SKAP2: variants seen among roughly 807,000 people sequenced by gnomAD.
SKAP2 encodes the protein src kinase associated phosphoprotein 2, also known as src kinase-associated phosphoprotein 2.
Under a neutral mutation model 54.9 loss-of-function variants are expected in SKAP2, and 28 were observed. That is an observed-to-expected ratio of 0.51 (90% CI 0.38 to 0.70). The LOEUF is 0.70. Ranked by LOEUF, SKAP2 falls within the 30% of genes least tolerant of loss-of-function variation. The pLI is 0.00. For synonymous variants in SKAP2, 137 were observed against 134.3 expected, an observed-to-expected ratio of 1.02 and a Z score of -0.14; for missense variants, 356 against 424.1, an observed-to-expected ratio of 0.84 and a Z score of 1.41.
At chr7:26,820,379 T>C (rs1784363432) in intron 4 of SKAP2, among the ~76,000 whole-genome samples, 1 of 152,058 alleles carries the variant, frequency 6.6e-6, no homozygotes, top group Admixed American at 6.5e-5. Context: ...CTACATATCT[T>C]GGCTTTTTTG....
chr7:26,677,394 T>TAAAAAAAAAAAAAA (rs1322136047), intron 11 of SKAP2, among the ~76,000 whole-genome samples: 112 of 72,898 alleles, frequency 1.5e-3, no homozygotes, highest in African/African-American at 6.0e-3. Context: ...TCTGTCTCAA[T>TAAAAAAAAAAAAAA]AAAAAAAAAA....
At chr7:26,809,986 G>A (rs1377020156) in intron 4 of SKAP2, among the ~76,000 whole-genome samples, 4 of 152,146 alleles carry the variant, frequency 2.6e-5, no homozygotes, top group African/African-American at 9.7e-5. Context: ...ATTAAGTTAA[G>A]TAAAAAAGCC....
intron 3 of SKAP2, among the ~76,000 whole-genome samples, chr7:26,846,222 G>C (rs546384646): frequency 6.6e-6 from 1 of 151,916 alleles, no homozygotes; most frequent in Admixed American, 6.6e-5. Context: ...AACATTACTA[G>C]AACTTAGCAT....
chr7:26,704,760 G>A (rs1787121626), intron 9 of SKAP2, among the ~76,000 whole-genome samples: 1 of 152,154 alleles, frequency 6.6e-6, no homozygotes, highest in Non-Finnish European at 1.5e-5. Context: ...CTCATCTGAT[G>A]GAGGTCTTGA....
chr7:26,693,332 CAAAAAAAAAAAA>C (rs34775523), intron 9 of SKAP2, among the ~76,000 whole-genome samples: 4 of 79,890 alleles, frequency 5.0e-5, no homozygotes, highest in Non-Finnish European at 1.0e-4. Flanking sequence ...AGCTCCATCT[CAAAAAAAAAAAA>C]AAAAAAAAAG....
Position 26,791,983 on chromosome 7 carries a change from A to G in SKAP2, c.308-52019T>C, listed in dbSNP as rs77465306. ...TGAGTAGAAAAATATGTTGTGATAC[A>G]TCCATACAACAGAACACTACTCAAC... is the stretch of plus-strand genomic sequence containing the variant. On this transcript the variant is annotated intron_variant, in intron 4 of 12. Transcript: ENST00000345317. Among the ~76,000 whole-genome samples the G allele has an allele frequency of 2.3e-3, 348 of 152,364 alleles. 10 individuals carry two copies. The East Asian group carries it at 0.055, about 24-fold the overall frequency.
intron 4 of SKAP2, among the ~76,000 whole-genome samples, chr7:26,780,108 T>C (rs1783395782): frequency 6.6e-6 from 1 of 152,086 alleles, no homozygotes; most frequent in African/African-American, 2.4e-5. Flanking sequence ...CTGGCCTGTT[T>C]CATCCCTGAC....
At chr7:26,783,880 CATGT>C (rs1185437246) in intron 4 of SKAP2, among the ~76,000 whole-genome samples, 3 of 151,440 alleles carry the variant, frequency 2.0e-5, no homozygotes, top group Admixed American at 2.0e-4. Flanking sequence ...CAGCATGGCA[CATGT>C]ATACATACGT....
chr7:26,778,182 T>G (rs1783354115), intron 4 of SKAP2, among the ~76,000 whole-genome samples: 1 of 151,980 alleles, frequency 6.6e-6, no homozygotes, highest in African/African-American at 2.4e-5. Flanking sequence ...AAGCACTTAT[T>G]TTTAAGGGAT....
intron 4 of SKAP2, among the ~76,000 whole-genome samples, chr7:26,798,465 G>A (rs1783832154): frequency 6.6e-6 from 1 of 152,010 alleles, no homozygotes; most frequent in South Asian, 2.1e-4. Flanking sequence ...GCAGAAGAAA[G>A]CTGAGGAATT....
chr7:26,854,714 T>G, intron 2 of SKAP2, 71 bp downstream of exon 2: 1 of 1,422,478 alleles, frequency 7.0e-7, no homozygotes, highest in Admixed American at 2.5e-5. Flanking sequence ...AATAATCGAT[T>G]TCTTATTAAA....
intron 9 of SKAP2, among the ~76,000 whole-genome samples, chr7:26,709,328 G>T (rs1384925092): frequency 6.6e-6 from 1 of 152,166 alleles, no homozygotes; most frequent in African/African-American, 2.4e-5. Context: ...CTCATAAGCA[G>T]TGGTCTGAGA....
chr7:26,681,331 C>G (rs1265985070), intron 11 of SKAP2, among the ~76,000 whole-genome samples: 1 of 152,132 alleles, frequency 6.6e-6, no homozygotes, highest in East Asian at 1.9e-4. Context: ...ACACTCTCAG[C>G]TACTTGGGAG....
intron 9 of SKAP2, among the ~76,000 whole-genome samples, chr7:26,712,685 C>T (rs1787335398): frequency 1.3e-5 from 2 of 152,228 alleles, no homozygotes; most frequent in African/African-American, 4.8e-5. Context: ...ACCACTTATG[C>T]TTATTAAATA....
At chr7:26,721,570 T>C (rs376032913) in intron 9 of SKAP2, among the ~76,000 whole-genome samples, 114 of 152,192 alleles carry the variant, frequency 7.5e-4, no homozygotes, top group Admixed American at 2.1e-3. Context: ...TTAAAAAAAA[T>C]AGGTTAATGG....
chr7:26,658,930 A>G, the SKAP2 span, among the ~76,000 whole-genome samples: 2 of 152,050 alleles, frequency 1.3e-5, no homozygotes, highest in South Asian at 4.2e-4. Context: ...ATACAAATGA[A>G]TTATCCTCAT....
rs1257025534 is a variant in SKAP2, at chr7:26,669,416, A to G, written c.*250T>C. 2 of 152,178 alleles carry G rather than the reference A, an allele frequency of 1.3e-5. No individual in the cohort carries two copies. The highest frequency in any genetic ancestry group is 4.8e-5 in the African/African-American group (2 of 41,448). The allele number at this position is 152,178 out of a possible 1,614,324, so 9.4% of individuals were successfully genotyped here. ...ACACAAATCAAATGGGTAAATAAAAACTATAATTATTTCTTTGCAAAATAG... is the reference window on the plus strand; with the variant it reads ...ACACAAATCAAATGGGTAAATAAAAGCTATAATTATTTCTTTGCAAAATAG... On this transcript the variant is annotated 3_prime_UTR_variant, in exon 13 of 13. Coordinates refer to ENST00000345317, the MANE Select transcript of SKAP2 (RefSeq NM_003930.5).
At chr7:26,846,407 T>C (rs1451417917) in intron 3 of SKAP2, among the ~76,000 whole-genome samples, 1 of 152,170 alleles carries the variant, frequency 6.6e-6, no homozygotes, top group Middle Eastern at 3.2e-3. Context: ...TTATTATCCT[T>C]TGATAACATC....
chr7:26,780,214 G>A (rs1038953220), intron 4 of SKAP2, among the ~76,000 whole-genome samples: 1 of 152,098 alleles, frequency 6.6e-6, no homozygotes, highest in Non-Finnish European at 1.5e-5. Context: ...ATGAGTTAAT[G>A]TGTGAAAAGT....
Sources: allele counts gnomAD v4.1 joint callset (sites outside exome capture counted in the v4.1 genomes callset), GRCh38; gene constraint gnomAD v4.1.1; transcripts MANE v1.5; gene names NCBI Gene and HGNC (gene_info 2026-07-23, HGNC 2026-07-21).